FRMD4A: variants seen among roughly 807,000 people sequenced by gnomAD.
FRMD4A encodes the protein FERM domain containing 4A.
Under a neutral mutation model 129.1 loss-of-function variants are expected in FRMD4A, and 29 were observed. That is an observed-to-expected ratio of 0.22 (90% CI 0.17 to 0.31). FRMD4A has a LOEUF of 0.31. Among genes scored for constraint, FRMD4A ranks in the 10% least tolerant of loss-of-function variants. The pLI, the probability that FRMD4A is intolerant of heterozygous loss-of-function variation, is 1.00. For missense variants in FRMD4A, 1,272 were observed against 1,375.8 expected, an observed-to-expected ratio of 0.92 and a Z score of 1.19; for synonymous variants, 634 against 571.6, an observed-to-expected ratio of 1.11 and a Z score of -1.56.
intron 2 of FRMD4A, among the ~76,000 whole-genome samples, chr10:13,948,035 A>G (rs2095345002): frequency 6.7e-6 from 1 of 149,224 alleles, no homozygotes; most frequent in Non-Finnish European, 1.5e-5. Flanking sequence ...TTGCCTCTAT[A>G]AAAAATAAAA....
At chr10:14,255,716 T>A (rs1233820809) in intron 2 of FRMD4A, among the ~76,000 whole-genome samples, 4 of 152,084 alleles carry the variant, frequency 2.6e-5, no homozygotes. Flanking sequence ...AGTTTAAATT[T>A]TGGTTGCCAG....
At chr10:13,700,192 C>T (rs531287119) in intron 14 of FRMD4A, among the ~76,000 whole-genome samples, 50 of 151,942 alleles carry the variant, frequency 3.3e-4, no homozygotes, top group South Asian at 2.5e-3. Context: ...AAGTGATCCT[C>T]CTGCCTTGGC....
chr10:13,939,307 A>G (rs1248760988), intron 2 of FRMD4A, among the ~76,000 whole-genome samples: 1 of 152,150 alleles, frequency 6.6e-6, no homozygotes, highest in Non-Finnish European at 1.5e-5. Flanking sequence ...TCTACTTTTT[A>G]TTTTATGGTG....
chr10:14,137,584 A>C (rs1416081799), intron 2 of FRMD4A, among the ~76,000 whole-genome samples: 1 of 152,186 alleles, frequency 6.6e-6, no homozygotes, highest in Non-Finnish European at 1.5e-5. Context: ...GAGAAGGTAG[A>C]GAGGCATGAT....
intron 2 of FRMD4A, among the ~76,000 whole-genome samples, chr10:14,080,477 A>T (rs1835866289): frequency 6.6e-6 from 1 of 151,750 alleles, no homozygotes; most frequent in African/African-American, 2.4e-5. Context: ...CATCCAATTC[A>T]TGGGGAGGAA....
chr10:14,021,501 G>T (rs1832749730), intron 2 of FRMD4A, among the ~76,000 whole-genome samples: 1 of 152,140 alleles, frequency 6.6e-6, no homozygotes, highest in South Asian at 2.1e-4. Context: ...AGGCTGCAGT[G>T]AGCCAACATC....
chr10:14,018,378 C>G (rs866945523), intron 2 of FRMD4A, among the ~76,000 whole-genome samples: 11 of 146,504 alleles, frequency 7.5e-5, no homozygotes, highest in Non-Finnish European at 8.9e-5. Context: ...ATGGTGTGAA[C>G]CCGGGAGGCA....
intron 2 of FRMD4A, among the ~76,000 whole-genome samples, chr10:14,014,911 C>T (rs2095693316): frequency 1.3e-5 from 2 of 151,246 alleles, no homozygotes; most frequent in African/African-American, 4.9e-5. Flanking sequence ...TCCCTCCCTC[C>T]CTTCCTTCCT....
chr10:14,186,361 T>C (rs1317229797), intron 2 of FRMD4A, among the ~76,000 whole-genome samples: 1 of 152,162 alleles, frequency 6.6e-6, no homozygotes, highest in African/African-American at 2.4e-5. Flanking sequence ...AGATAACTGC[T>C]CATGCCAAGA....
chr10:14,289,235 A>T (rs1040450731), intron 2 of FRMD4A, among the ~76,000 whole-genome samples: 26 of 152,068 alleles, frequency 1.7e-4, no homozygotes, highest in Admixed American at 1.3e-4. Context: ...ATTCCCACCA[A>T]CGGTGTACAA....
At chr10:13,890,582 T>C in intron 2 of FRMD4A, 1 of 985,074 alleles carries the variant, frequency 1.0e-6, no homozygotes, top group Non-Finnish European at 1.2e-6. Context: ...AGCTCAGACT[T>C]AGAAATGTGC....
intron 3 of FRMD4A, among the ~76,000 whole-genome samples, chr10:13,829,996 T>C (rs2093763945): frequency 6.6e-6 from 1 of 152,234 alleles, no homozygotes; most frequent in African/African-American, 2.4e-5. Context: ...GATCGGATCC[T>C]AGCAGTGACC....
chr10:14,218,907 A>T (rs1843157821), intron 2 of FRMD4A, among the ~76,000 whole-genome samples: 1 of 135,416 alleles, frequency 7.4e-6, no homozygotes, highest in South Asian at 2.6e-4. Flanking sequence ...GTGAGCCGAG[A>T]TTGCACCACT....
At chr10:13,693,755 C>T (rs997896372) in intron 15 of FRMD4A, 143 bp downstream of exon 15, 2 of 879,376 alleles carry the variant, frequency 2.3e-6, no homozygotes, top group Non-Finnish European at 3.7e-6. Context: ...CATTTGGATC[C>T]CAACCTTGGT....
At chr10:14,185,707 C>T (rs994197152) in intron 2 of FRMD4A, among the ~76,000 whole-genome samples, 1 of 152,138 alleles carries the variant, frequency 6.6e-6, no homozygotes, top group Non-Finnish European at 1.5e-5. Context: ...AACAGTGGCA[C>T]CTTCAGTAGT....
At chr10:14,118,432 T>C (rs1390578444) in intron 2 of FRMD4A, among the ~76,000 whole-genome samples, 2 of 152,180 alleles carry the variant, frequency 1.3e-5, no homozygotes, top group Non-Finnish European at 2.9e-5. Context: ...AGGATCTTCT[T>C]CCCCTGAATG....
rs2083022050 is a variant in FRMD4A at position 13,666,191 on chromosome 10, T to C, written c.1509A>G (p.Ala503=). The C allele has an allele frequency of 6.2e-7, 1 of 1,613,564 alleles. No individual in the cohort carries two copies. The highest frequency in any genetic ancestry group is 8.5e-7 in the Non-Finnish European group (1 of 1,179,452). ...KKQRKTSYLN[A]LKKLQEIENA... is the part of the protein sequence containing the mutation. ...TTTCAATCTCCTGCAGTTTCTTCAG[T>C]GCATTCAGATACGAGGTTTTCCTTT... Residue 503 remains alanine (A), a synonymous_variant, in exon 18 of 25, where the codon GCA becomes GCG. Coordinates refer to ENST00000357447, the MANE Select transcript of FRMD4A (RefSeq NM_018027.5).
intron 2 of FRMD4A, among the ~76,000 whole-genome samples, chr10:14,221,068 C>T (rs1039074090): frequency 2.6e-5 from 4 of 152,112 alleles, no homozygotes; most frequent in Non-Finnish European, 5.9e-5. Flanking sequence ...TGAGGAAAGA[C>T]TTCCTGAATA....
chr10:13,964,153 C>T (rs1433103807), intron 2 of FRMD4A, among the ~76,000 whole-genome samples: 1 of 147,600 alleles, frequency 6.8e-6, no homozygotes, highest in East Asian at 2.0e-4. Context: ...AAAACAGAAA[C>T]AAAGTCCACA....
Sources: gnomAD v4.1 joint callset for allele counts (sites outside exome capture counted in the v4.1 genomes callset) on GRCh38, gnomAD v4.1.1 for gene constraint, MANE v1.5 for transcripts, NCBI Gene and HGNC (gene_info 2026-07-23, HGNC 2026-07-21) for gene names.